The following TBC1D19 variants were observed in gnomAD, a reference collection of about 807,000 sequenced individuals.
TBC1D19 encodes the protein TBC1 domain family, member 19.
A neutral mutation model predicts 89.0 loss-of-function variants in TBC1D19; 60 were observed. That is an observed-to-expected ratio of 0.67 (90% CI 0.55 to 0.84). The LOEUF (loss-of-function observed/expected upper bound fraction) is 0.84. Among genes scored for constraint, TBC1D19 ranks in the 40% least tolerant of loss-of-function variants. The pLI is 0.00. For missense variants in TBC1D19, 500 were observed against 610.8 expected (o/e 0.82, Z 1.91); for synonymous variants, 189 against 199.7 (o/e 0.95, Z 0.45).
intron 1 of TBC1D19, among the ~76,000 whole-genome samples, chr4:26,601,972 A>G (rs1355034651): frequency 6.6e-6 from 1 of 152,016 alleles, no homozygotes; most frequent in Non-Finnish European, 1.5e-5. Context: ...CTTTCTTATA[A>G]TGGCTTTTTG....
At chr4:26,679,867 G>A (rs971232239) in intron 11 of TBC1D19, among the ~76,000 whole-genome samples, 8 of 152,198 alleles carry the variant, frequency 5.3e-5, no homozygotes, top group African/African-American at 1.2e-4. Context: ...GTGAGGACAC[G>A]AGATTTGGGA....
upstream of TBC1D19, among the ~76,000 whole-genome samples, chr4:26,583,587 G>T (rs909677781): frequency 9.9e-5 from 15 of 152,196 alleles, no homozygotes; most frequent in Admixed American, 5.2e-4. Context: ...AGACTCTAGA[G>T]AATAGAAACG....
intron 9 of TBC1D19, among the ~76,000 whole-genome samples, chr4:26,667,687 A>G (rs1408806007): frequency 6.6e-6 from 1 of 152,006 alleles, no homozygotes; most frequent in Non-Finnish European, 1.5e-5. Flanking sequence ...GAACGTATCT[A>G]TATTCTGCTG....
chr4:26,728,423 G>C (rs1322122606), intron 15 of TBC1D19, among the ~76,000 whole-genome samples: 4 of 151,926 alleles, frequency 2.6e-5, no homozygotes, highest in Non-Finnish European at 5.9e-5. Flanking sequence ...GTTTATTGAA[G>C]AAAAGTTAGA....
Position 26,681,356 on chromosome 4 carries a change from G to A in TBC1D19, c.817-2319G>A, listed in dbSNP as rs368799321. 1.7e-4 allele frequency among the ~76,000 whole-genome samples: 26 copies of A among 151,848 alleles called. 1 individual carries two copies. The highest frequency in any genetic ancestry group is 5.3e-4 in the African/African-American group (22 of 41,380). ...AGATGGAGATCATCCTGGCTAACAC[G>A]GTGAAACCCTGTCTCTAATAAAAAT... On this transcript the variant is annotated intron_variant, in intron 11 of 20. Coordinates refer to ENST00000264866, the MANE Select transcript of TBC1D19 (RefSeq NM_018317.4).
chr4:26,725,287 T>G (rs967593703), intron 15 of TBC1D19, among the ~76,000 whole-genome samples: 33 of 152,164 alleles, frequency 2.2e-4, no homozygotes, highest in African/African-American at 7.7e-4. Flanking sequence ...TTCAAAAAAG[T>G]TGATTCTAAC....
the TBC1D19 span, among the ~76,000 whole-genome samples, chr4:26,787,641 T>A: frequency 6.6e-6 from 1 of 152,134 alleles, no homozygotes; most frequent in African/African-American, 2.4e-5. Context: ...GATTGAAGCC[T>A]GAGTGTAGAG....
At chr4:26,692,276 ACC>A (rs1714360903) in intron 13 of TBC1D19, among the ~76,000 whole-genome samples, 1 of 152,166 alleles carries the variant, frequency 6.6e-6, no homozygotes, top group African/African-American at 2.4e-5. Flanking sequence ...TCTAGAGAGT[ACC>A]ATCAGGAAGT....
the TBC1D19 span, among the ~76,000 whole-genome samples, chr4:26,843,648 G>A: frequency 6.6e-6 from 1 of 151,960 alleles, no homozygotes; most frequent in Non-Finnish European, 1.5e-5. Context: ...TCTTGGTAAA[G>A]TCAAGACAGA....
intron 19 of TBC1D19, among the ~76,000 whole-genome samples, chr4:26,749,186 A>G (rs143925668): frequency 1.3e-5 from 2 of 152,294 alleles, no homozygotes; most frequent in African/African-American, 4.8e-5. Context: ...AAGAAGGCAT[A>G]TATTTCTTAT....
intron 9 of TBC1D19, among the ~76,000 whole-genome samples, chr4:26,670,248 A>G: frequency 6.6e-6 from 1 of 150,742 alleles, no homozygotes; most frequent in Non-Finnish European, 1.5e-5. Flanking sequence ...ATATATATAA[A>G]TGATTTATGT....
intron 4 of TBC1D19, among the ~76,000 whole-genome samples, chr4:26,623,014 C>T (rs1203499951): frequency 1.3e-5 from 2 of 152,154 alleles, no homozygotes; most frequent in Non-Finnish European, 2.9e-5. Flanking sequence ...CCTCCCCTAT[C>T]AGTAAGTATC....
At chr4:26,858,865 C>A in the TBC1D19 span, 5 of 151,794 alleles carry the variant, frequency 3.3e-5, no homozygotes, top group Admixed American at 1.3e-4. Context: ...ATGTCAATAC[C>A]CTCCCTATCT....
At chr4:26,682,156 A>G (rs1560468833) in intron 11 of TBC1D19, among the ~76,000 whole-genome samples, 1 of 151,940 alleles carries the variant, frequency 6.6e-6, no homozygotes, top group Non-Finnish European at 1.5e-5. Flanking sequence ...GCATTACTCT[A>G]CTTATGACAA....
chr4:26,753,719 G>C, intron 19 of TBC1D19, 101 bp from the exon 20 acceptor site: 1 of 1,258,168 alleles, frequency 7.9e-7, no homozygotes, highest in Admixed American at 1.8e-5. Flanking sequence ...TAAAGCACTA[G>C]TTCTGAGTTT....
At chr4:26,773,134 T>C in the TBC1D19 span, among the ~76,000 whole-genome samples, 2 of 152,182 alleles carry the variant, frequency 1.3e-5, no homozygotes, top group Non-Finnish European at 2.9e-5. Context: ...TCAGTTGCTT[T>C]TGACGTTTTA....
At chr4:26,749,451 T>G (rs142738867) in intron 19 of TBC1D19, among the ~76,000 whole-genome samples, 25 of 136,692 alleles carry the variant, frequency 1.8e-4, no homozygotes, top group African/African-American at 4.8e-4. Flanking sequence ...TCGGGTTGTT[T>G]TTTTTTTTTT....
the TBC1D19 span, among the ~76,000 whole-genome samples, chr4:26,791,143 T>A: frequency 6.6e-6 from 1 of 152,180 alleles, no homozygotes; most frequent in African/African-American, 2.4e-5. Context: ...AAACTCTTTG[T>A]CACCAGTCTC....
intron 11 of TBC1D19, among the ~76,000 whole-genome samples, chr4:26,681,494 T>A (rs1207452241): frequency 6.6e-6 from 1 of 151,914 alleles, no homozygotes; most frequent in Non-Finnish European, 1.5e-5. Context: ...GAGGTTGCAG[T>A]GCACCGAGAT....
Sources: gnomAD v4.1 joint callset for allele counts (sites outside exome capture counted in the v4.1 genomes callset) on GRCh38, gnomAD v4.1.1 for gene constraint, MANE v1.5 for transcripts, NCBI Gene and HGNC (gene_info 2026-07-23, HGNC 2026-07-21) for gene names.